The following MSRA variants were observed in gnomAD, a reference collection of about 807,000 sequenced individuals.
MSRA encodes the protein methionine sulfoxide reductase A.
A neutral mutation model predicts 31.3 loss-of-function variants in MSRA; 54 were observed. The observed-to-expected ratio is 1.73, with a 90% CI of 1.39 to 2.17. The LOEUF is 2.17. MSRA is among the 30% of genes most tolerant of loss of function. The pLI, the probability that MSRA is intolerant of heterozygous loss-of-function variation, is 0.00. For synonymous variants in MSRA, 169 were observed against 116.5 expected, an observed-to-expected ratio of 1.45 and a Z score of -2.90; for missense variants, 507 against 300.9, an observed-to-expected ratio of 1.69 and a Z score of -5.07.
At chr8:10,300,006 G>A (rs1800755244) in intron 3 of MSRA, among the ~76,000 whole-genome samples, 1 of 152,166 alleles carries the variant, frequency 6.6e-6, no homozygotes, top group African/African-American at 2.4e-5. Flanking sequence ...ACCATCTGAT[G>A]GGGAGTTATG....
At chr8:10,130,817 A>G (rs1801840442) in intron 1 of MSRA, among the ~76,000 whole-genome samples, 1 of 152,214 alleles carries the variant, frequency 6.6e-6, no homozygotes, top group South Asian at 2.1e-4. Flanking sequence ...AGAGGAGTCC[A>G]GCAAATTGTC....
intron 2 of MSRA, among the ~76,000 whole-genome samples, chr8:10,236,665 C>T (rs1043236994): frequency 1.1e-4 from 16 of 152,164 alleles, no homozygotes; most frequent in African/African-American, 3.6e-4. Flanking sequence ...CTGCCTCAGC[C>T]TCCTGAGTAG....
intron 3 of MSRA, among the ~76,000 whole-genome samples, chr8:10,295,950 C>T (rs77205736): frequency 0.18 from 26,897 of 152,138 alleles, 3,193 homozygotes; most frequent in Non-Finnish European, 0.27. Flanking sequence ...TGTCTTTCTG[C>T]CTGGATTAAA....
rs113247542 is a variant in MSRA, at chr8:10,278,099, T to C, written c.332-23435T>C. On this transcript the variant is annotated intron_variant, in intron 3 of 5. Transcript: ENST00000317173. ...ACACTTTATTATCACTTGAGGCATT[T>C]ATTTATTTATTCTACAGATATCATT... 1.5e-3 allele frequency among the ~76,000 whole-genome samples: 231 copies of C among 151,210 alleles called. 1 individual carries two copies. Among genetic ancestry groups the C allele is most frequent in the Middle Eastern group, 0.01 (3 of 294 alleles).
chr8:10,058,860 A>T (rs1802544937), intron 1 of MSRA: 1 of 152,214 alleles, frequency 6.6e-6, no homozygotes, highest in East Asian at 1.9e-4. Context: ...AGTGTGATCT[A>T]GTCGTTGATT....
At chr8:10,131,472 A>G (rs1206752779) in intron 1 of MSRA, among the ~76,000 whole-genome samples, 1 of 152,250 alleles carries the variant, frequency 6.6e-6, no homozygotes, top group Non-Finnish European at 1.5e-5. Flanking sequence ...GGGGAGTGGC[A>G]TTCACAAAGG....
chr8:10,356,235 G>A (rs999268153), intron 5 of MSRA, among the ~76,000 whole-genome samples: 1 of 152,216 alleles, frequency 6.6e-6, no homozygotes. Context: ...TTACTCAGTG[G>A]CACAGATCTT....
intron 5 of MSRA, among the ~76,000 whole-genome samples, chr8:10,341,064 C>G (rs1803396905): frequency 6.6e-6 from 1 of 152,172 alleles, no homozygotes. Flanking sequence ...CTGTGGATTC[C>G]AGACTCCCAC....
chr8:10,075,812 A>G (rs1470234774), intron 1 of MSRA, among the ~76,000 whole-genome samples: 2 of 152,200 alleles, frequency 1.3e-5, no homozygotes, highest in Admixed American at 6.5e-5. Flanking sequence ...TTCTGTTAGC[A>G]TCATTCATAT....
intron 5 of MSRA, among the ~76,000 whole-genome samples, chr8:10,415,041 C>T (rs1808372982): frequency 1.3e-5 from 2 of 152,186 alleles, no homozygotes; most frequent in Admixed American, 6.5e-5. Context: ...GAGGAAGCAG[C>T]AGTCCTTGAA....
intron 1 of MSRA, among the ~76,000 whole-genome samples, chr8:10,056,056 T>G (rs889385334): frequency 5.3e-5 from 8 of 152,052 alleles, no homozygotes; most frequent in African/African-American, 1.9e-4. Context: ...TAAATGCATC[T>G]TAAAATTTTT....
chr8:10,357,819 A>T (rs1804598517), intron 5 of MSRA, among the ~76,000 whole-genome samples: 1 of 152,208 alleles, frequency 6.6e-6, no homozygotes, highest in Non-Finnish European at 1.5e-5. Flanking sequence ...GTTATCAAAT[A>T]CTGTGAGTTC....
chr8:10,061,917 G>C (rs1365161580), intron 1 of MSRA, among the ~76,000 whole-genome samples: 2 of 152,228 alleles, frequency 1.3e-5, no homozygotes, highest in African/African-American at 2.4e-5. Flanking sequence ...GTGGGGAAGA[G>C]GTCATTAAGC....
At chr8:10,240,540 G>A (rs1812318642) in intron 2 of MSRA, among the ~76,000 whole-genome samples, 1 of 152,080 alleles carries the variant, frequency 6.6e-6, no homozygotes, top group African/African-American at 2.4e-5. Context: ...TCTTCATGCT[G>A]CATACTCACT....
intron 5 of MSRA, among the ~76,000 whole-genome samples, chr8:10,379,936 A>G (rs762614854): frequency 6.6e-6 from 1 of 152,238 alleles, no homozygotes; most frequent in Non-Finnish European, 1.5e-5. Context: ...GGGGCAGATT[A>G]GTGACATAAG....
chr8:10,409,455 C>T (rs1808024190), intron 5 of MSRA, among the ~76,000 whole-genome samples: 1 of 152,210 alleles, frequency 6.6e-6, no homozygotes, highest in Non-Finnish European at 1.5e-5. Context: ...GTTAAGATGG[C>T]AGATTTGGTG....
chr8:10,068,708 A>C (rs1797583433), intron 1 of MSRA, among the ~76,000 whole-genome samples: 1 of 152,194 alleles, frequency 6.6e-6, no homozygotes, highest in South Asian at 2.1e-4. Context: ...GAAGTTGAGT[A>C]GCATCGGTTC....
chr8:10,340,215 G>C lies in MSRA; in HGVS notation c.543+20226G>C, dbSNP rs1178703933. ...CACCTGCCCATTCCCAGCAGAGCTT[G>C]GTGCCATTCTCAGGTCTCCCAAGCT... On this transcript the variant is annotated intron_variant, in intron 5 of 5. Coordinates refer to ENST00000317173, the MANE Select transcript of MSRA (RefSeq NM_012331.5). Among the ~76,000 whole-genome samples the C allele has an allele frequency of 4.6e-5, 7 of 152,230 alleles. No homozygotes were observed. In the East Asian group the frequency reaches 1.2e-3, roughly 25 times the overall value.
At chr8:10,375,786 T>A (rs760932735) in intron 5 of MSRA, among the ~76,000 whole-genome samples, 2 of 152,222 alleles carry the variant, frequency 1.3e-5, no homozygotes, top group African/African-American at 2.4e-5. Context: ...TTTACACAAA[T>A]GCCTGGTCAT....
Sources: gnomAD v4.1 joint callset for allele counts (sites outside exome capture counted in the v4.1 genomes callset) on GRCh38, gnomAD v4.1.1 for gene constraint, MANE v1.5 for transcripts, NCBI Gene and HGNC (gene_info 2026-07-23, HGNC 2026-07-21) for gene names.